Variants in HS6ST3 observed in about 807,000 individuals in gnomAD.
The protein encoded by HS6ST3 is heparan sulfate 6-O-sulfotransferase 3.
Under a neutral mutation model 36.7 loss-of-function variants are expected in HS6ST3, and 12 were observed. That is an observed-to-expected ratio of 0.33 (90% CI 0.21 to 0.53). The LOEUF (loss-of-function observed/expected upper bound fraction) is 0.53. Ranked by LOEUF, HS6ST3 falls within the 20% of genes least tolerant of loss-of-function variation. The pLI is 0.95. For missense variants in HS6ST3, 584 were observed against 640.9 expected (o/e 0.91, Z 0.96); for synonymous variants, 240 against 257.5 (o/e 0.93, Z 0.65).
intron 1 of HS6ST3, among the ~76,000 whole-genome samples, chr13:96,804,494 TCA>T (rs1200070687): frequency 6.6e-6 from 1 of 152,188 alleles, no homozygotes; most frequent in African/African-American, 2.4e-5. Flanking sequence ...GACAGATTAA[TCA>T]CAGTTACTAT....
At chr13:96,292,545 A>G (rs1387381120) in intron 1 of HS6ST3, among the ~76,000 whole-genome samples, 1 of 152,112 alleles carries the variant, frequency 6.6e-6, no homozygotes, top group South Asian at 2.1e-4. Flanking sequence ...TAATTTTCAA[A>G]TTCTTAATTT....
chr13:96,119,392 T>A (rs573228338), intron 1 of HS6ST3, among the ~76,000 whole-genome samples: 75 of 152,256 alleles, frequency 4.9e-4, no homozygotes, highest in Admixed American at 1.6e-3. Context: ...TTATAGTATC[T>A]CTTTATTAAG....
intron 1 of HS6ST3, among the ~76,000 whole-genome samples, chr13:96,419,231 A>G (rs1260651648): frequency 6.6e-6 from 1 of 152,248 alleles, no homozygotes; most frequent in Admixed American, 6.5e-5. Context: ...AATGTAAATC[A>G]CTAATTATGA....
intron 1 of HS6ST3, among the ~76,000 whole-genome samples, chr13:96,810,744 G>T (rs1878300610): frequency 6.6e-6 from 1 of 152,172 alleles, no homozygotes; most frequent in South Asian, 2.1e-4. Context: ...GGTCTTTGCT[G>T]CCAACTGAGA....
chr13:96,432,801 A>G (rs1285689195), intron 1 of HS6ST3, among the ~76,000 whole-genome samples: 1 of 152,242 alleles, frequency 6.6e-6, no homozygotes, highest in Admixed American at 6.5e-5. Context: ...CTATGAAGTA[A>G]TAATAACTTT....
At chr13:96,243,488 G>C (rs553576358) in intron 1 of HS6ST3, among the ~76,000 whole-genome samples, 241 of 152,236 alleles carry the variant, frequency 1.6e-3, no homozygotes, top group South Asian at 2.1e-3. Context: ...CCTTGATAAT[G>C]CTAGTCTGCT....
intron 1 of HS6ST3, among the ~76,000 whole-genome samples, chr13:96,739,572 C>G (rs1170909192): frequency 6.6e-6 from 1 of 152,140 alleles, no homozygotes; most frequent in Admixed American, 6.5e-5. Context: ...ACTCCTTCAT[C>G]TCACAGCCCA....
intron 1 of HS6ST3, among the ~76,000 whole-genome samples, chr13:96,105,126 G>A (rs370730193): frequency 1.3e-5 from 2 of 151,688 alleles, no homozygotes; most frequent in Non-Finnish European, 2.9e-5. Flanking sequence ...CAGAGTACAG[G>A]TGCAAAGTCA....
At chr13:96,424,596 G>A (rs1022018514) in intron 1 of HS6ST3, among the ~76,000 whole-genome samples, 31 of 152,130 alleles carry the variant, frequency 2.0e-4, no homozygotes, top group African/African-American at 7.0e-4. Flanking sequence ...TAGGTTCAAT[G>A]TCTGCTAACA....
intron 1 of HS6ST3, among the ~76,000 whole-genome samples, chr13:96,405,917 A>G (rs563704982): frequency 6.6e-6 from 1 of 152,340 alleles, no homozygotes; most frequent in South Asian, 2.1e-4. Context: ...CTGTCCCACA[A>G]GAAAGGGAAA....
intron 1 of HS6ST3, among the ~76,000 whole-genome samples, chr13:96,364,757 A>G (rs2139437530): frequency 6.6e-6 from 1 of 152,298 alleles, no homozygotes; most frequent in Non-Finnish European, 1.5e-5. Context: ...TTAAAATCTC[A>G]AGTTTTGTGT....
intron 1 of HS6ST3, among the ~76,000 whole-genome samples, chr13:96,796,782 T>G (rs1594862121): frequency 6.6e-6 from 1 of 152,214 alleles, no homozygotes; most frequent in South Asian, 2.1e-4. Flanking sequence ...TACTACTGTT[T>G]TACGCTCATT....
chr13:96,319,569 G>T (rs1324922558), intron 1 of HS6ST3, among the ~76,000 whole-genome samples: 1 of 152,136 alleles, frequency 6.6e-6, no homozygotes, highest in African/African-American at 2.4e-5. Flanking sequence ...AAGACTGCAA[G>T]ACTTTTCCCC....
chr13:96,498,387 G>A (rs186629541), intron 1 of HS6ST3, among the ~76,000 whole-genome samples: 2 of 152,266 alleles, frequency 1.3e-5, no homozygotes, highest in Admixed American at 1.3e-4. Flanking sequence ...CATAAAGCGT[G>A]TCAAGGCACC....
rs1020568117 is a variant in HS6ST3 at position 96,836,573 on chromosome 13, A to G, written c.*3375A>G. ...CTCATCTAAAGGAGGTAACTTTGTGATAATTAGTTTGATTAAAAGTTTGAA... is the reference window on the plus strand; with the variant it reads ...CTCATCTAAAGGAGGTAACTTTGTGGTAATTAGTTTGATTAAAAGTTTGAA... On this transcript the variant is annotated 3_prime_UTR_variant, in exon 2 of 2. Transcript: ENST00000376705. The G allele has an allele frequency of 2.0e-5, 3 of 152,216 alleles. No homozygotes were observed. Among genetic ancestry groups the G allele is most frequent in the Non-Finnish European group, 2.9e-5 (2 of 68,044 alleles). The allele number at this position is 152,216 out of a possible 1,614,324, so 9.4% of individuals were successfully genotyped here.
At chr13:96,444,068 A>G (rs2055686663) in intron 1 of HS6ST3, among the ~76,000 whole-genome samples, 1 of 152,232 alleles carries the variant, frequency 6.6e-6, no homozygotes, top group Admixed American at 6.5e-5. Flanking sequence ...AACAGCCAAG[A>G]AAAGCTGAGA....
intron 1 of HS6ST3, among the ~76,000 whole-genome samples, chr13:96,249,496 C>A (rs1479274886): frequency 6.6e-6 from 1 of 152,016 alleles, no homozygotes; most frequent in African/African-American, 2.4e-5. Context: ...GAAAAACTGA[C>A]AGAGAAGTAG....
At chr13:96,322,444 C>G (rs1223707275) in intron 1 of HS6ST3, among the ~76,000 whole-genome samples, 1 of 150,772 alleles carries the variant, frequency 6.6e-6, no homozygotes, top group Non-Finnish European at 1.5e-5. Context: ...GTAGTCCAAG[C>G]TACTTGAGAG....
chr13:96,774,543 A>G (rs780453441), intron 1 of HS6ST3, among the ~76,000 whole-genome samples: 3 of 152,228 alleles, frequency 2.0e-5, no homozygotes, highest in Non-Finnish European at 4.4e-5. Context: ...ATACACAAGT[A>G]TCAATAACTG....
Sources: allele counts gnomAD v4.1 joint callset (sites outside exome capture counted in the v4.1 genomes callset), GRCh38; gene constraint gnomAD v4.1.1; transcripts MANE v1.5; gene names NCBI Gene and HGNC (gene_info 2026-07-23, HGNC 2026-07-21).